L3MBTL4: variants seen among roughly 807,000 people sequenced by gnomAD.
The protein encoded by L3MBTL4 is lethal(3)malignant brain tumor-like protein 4.
In L3MBTL4, 70 loss-of-function variants were observed where a neutral mutation model predicts 84.5. The observed-to-expected ratio is 0.83, with a 90% CI of 0.68 to 1.01. L3MBTL4 has a LOEUF of 1.01. Among genes scored for constraint, L3MBTL4 ranks in the 50% least tolerant of loss-of-function variants. The probability of loss-of-function intolerance (pLI) is 0.00; values close to 1 mark genes in which losing one functional copy is unlikely to be tolerated. For synonymous variants in L3MBTL4, 274 were observed against 259.8 expected (o/e 1.05, Z -0.52); for missense variants, 715 against 754.8 (o/e 0.95, Z 0.62).
chr18:6,348,924 C>A (rs1290068391), intron 1 of L3MBTL4, among the ~76,000 whole-genome samples: 1 of 152,148 alleles, frequency 6.6e-6, no homozygotes, highest in Admixed American at 6.5e-5. Flanking sequence ...AGAAAGCATG[C>A]AAGTGGCCAG....
At chr18:6,021,078 T>A (rs552866342) in intron 16 of L3MBTL4, among the ~76,000 whole-genome samples, 1 of 152,150 alleles carries the variant, frequency 6.6e-6, no homozygotes, top group Non-Finnish European at 1.5e-5. Flanking sequence ...GAAGCCAAAG[T>A]AGATTTCAAG....
chr18:6,180,830 C>T (rs2044435269), intron 12 of L3MBTL4, among the ~76,000 whole-genome samples: 1 of 152,174 alleles, frequency 6.6e-6, no homozygotes, highest in South Asian at 2.1e-4. Context: ...TGCTTGTATG[C>T]CAATGTTCAT....
intron 1 of L3MBTL4, among the ~76,000 whole-genome samples, chr18:6,378,758 C>T (rs890605131): frequency 3.3e-5 from 5 of 152,142 alleles, no homozygotes; most frequent in African/African-American, 1.2e-4. Flanking sequence ...ACTGTGATGC[C>T]TCCAGGTTTG....
intron 16 of L3MBTL4, among the ~76,000 whole-genome samples, chr18:6,027,368 A>C (rs1211262359): frequency 6.6e-6 from 1 of 152,036 alleles, no homozygotes; most frequent in Non-Finnish European, 1.5e-5. Context: ...ACATGAACTC[A>C]CTCATGTTTA....
At chr18:6,102,925 G>A (rs983366633) in intron 14 of L3MBTL4, among the ~76,000 whole-genome samples, 3 of 152,164 alleles carry the variant, frequency 2.0e-5, no homozygotes, top group African/African-American at 7.2e-5. Flanking sequence ...CATTAAGAGT[G>A]AAGGTGAAAG....
At chr18:6,066,657 G>C (rs1277025725) in intron 16 of L3MBTL4, among the ~76,000 whole-genome samples, 1 of 151,878 alleles carries the variant, frequency 6.6e-6, no homozygotes, top group African/African-American at 2.4e-5. Context: ...AGTCTGTTTT[G>C]TGTGATATAA....
intron 16 of L3MBTL4, among the ~76,000 whole-genome samples, chr18:6,015,952 T>C (rs2054952595): frequency 6.6e-6 from 1 of 152,090 alleles, no homozygotes; most frequent in Admixed American, 6.5e-5. Context: ...AGAGCAAGAC[T>C]CTGTCTCAAA....
intron 16 of L3MBTL4, among the ~76,000 whole-genome samples, chr18:6,051,516 G>C (rs896980189): frequency 1.3e-5 from 2 of 151,894 alleles, no homozygotes; most frequent in Non-Finnish European, 2.9e-5. Flanking sequence ...TCCAGCCTGG[G>C]CGGCGCAGCA....
chr18:6,238,412 A>G (rs1474193147), intron 9 of L3MBTL4, among the ~76,000 whole-genome samples: 2 of 152,196 alleles, frequency 1.3e-5, no homozygotes, highest in Non-Finnish European at 2.9e-5. Context: ...GGGCGCCTGT[A>G]GTCCCAGCTA....
At chr18:6,175,560 C>T (rs1165705347) in intron 12 of L3MBTL4, among the ~76,000 whole-genome samples, 1 of 152,074 alleles carries the variant, frequency 6.6e-6, no homozygotes, top group Non-Finnish European at 1.5e-5. Context: ...TTGATTAATT[C>T]ATTACACCAC....
At chr18:6,018,400 A>G (rs957985099) in intron 16 of L3MBTL4, among the ~76,000 whole-genome samples, 15 of 152,206 alleles carry the variant, frequency 9.9e-5, no homozygotes, top group Non-Finnish European at 1.8e-4. Context: ...AGCAGGGCTG[A>G]GCCCCCACTG....
At chr18:6,287,647 G>A (rs565006554) in intron 4 of L3MBTL4, among the ~76,000 whole-genome samples, 1 of 152,278 alleles carries the variant, frequency 6.6e-6, no homozygotes, top group South Asian at 2.1e-4. Flanking sequence ...TTATCTTCAA[G>A]GACAAAGAGT....
chr18:6,211,948 C>G (rs2046126055), intron 12 of L3MBTL4, among the ~76,000 whole-genome samples: 1 of 152,162 alleles, frequency 6.6e-6, no homozygotes, highest in African/African-American at 2.4e-5. Context: ...TGTGCCCGGC[C>G]TACTTTTAAA....
intron 14 of L3MBTL4, among the ~76,000 whole-genome samples, chr18:6,107,622 G>T (rs2059053841): frequency 6.6e-6 from 1 of 152,204 alleles, no homozygotes; most frequent in African/African-American, 2.4e-5. Flanking sequence ...TGATGATAAA[G>T]ATGGGAGGGC....
chr18:6,238,207 G>C (rs1049356309), intron 9 of L3MBTL4, among the ~76,000 whole-genome samples, 167 bp from the exon 10 acceptor site: 3 of 152,196 alleles, frequency 2.0e-5, no homozygotes, highest in African/African-American at 4.8e-5. Flanking sequence ...CTGTTACCAA[G>C]CTTCTCTTTC....
chr18:6,092,051 C>T (rs757313509), intron 15 of L3MBTL4, among the ~76,000 whole-genome samples: 16 of 152,130 alleles, frequency 1.1e-4, no homozygotes, highest in Admixed American at 2.0e-4. Context: ...GAAGTTGCAA[C>T]AACAGGAGTA....
intron 16 of L3MBTL4, among the ~76,000 whole-genome samples, chr18:5,976,967 G>A (rs1445494465): frequency 6.6e-6 from 1 of 152,096 alleles, no homozygotes; most frequent in Non-Finnish European, 1.5e-5. Flanking sequence ...TGAGGGAACC[G>A]AGTTTAGGAG....
intron 18 of L3MBTL4, among the ~76,000 whole-genome samples, chr18:5,958,615 C>T (rs2095246492): frequency 6.6e-6 from 1 of 152,136 alleles, no homozygotes; most frequent in South Asian, 2.1e-4. Context: ...CTTGCCCAAG[C>T]TCATGCAGCT....
chr18:6,029,989 G>A, intron 16 of L3MBTL4: 1 of 985,420 alleles, frequency 1.0e-6, no homozygotes, highest in Non-Finnish European at 1.2e-6. Context: ...ACAGCAACAT[G>A]AAAACCATCC....
Sources: gnomAD v4.1 joint callset for allele counts (sites outside exome capture counted in the v4.1 genomes callset) on GRCh38, gnomAD v4.1.1 for gene constraint, MANE v1.5 for transcripts, NCBI Gene and HGNC (gene_info 2026-07-23, HGNC 2026-07-21) for gene names.